SPON1: variants seen among roughly 807,000 people sequenced by gnomAD.
The protein encoded by SPON1 is spondin 1, also known as spondin-1.
A neutral mutation model predicts 111.7 loss-of-function variants in SPON1; 52 were observed. That is an observed-to-expected ratio of 0.47 (90% confidence interval 0.37 to 0.59). SPON1 has a LOEUF of 0.59. Ranked by LOEUF, SPON1 falls within the 20% of genes least tolerant of loss-of-function variation. The pLI is 0.00. For missense variants in SPON1, 957 were observed against 1,068.5 expected (o/e 0.90, Z 1.46); for synonymous variants, 410 against 395.8 (o/e 1.04, Z -0.43).
rs145340008 is a variant in SPON1, at chr11:14,103,417, C to A, written c.676+23396C>A. 7.9e-4 allele frequency among the ~76,000 whole-genome samples: 121 copies of A among 152,274 alleles called. 1 individual carries two copies. The highest frequency in any genetic ancestry group is 2.7e-3 in the African/African-American group (114 of 41,544). Reference sequence around the variant, plus strand: ...GAATAGGAATAGAGCTGGCCTAGTCCTGCAGACATCTGGGTTGCAGGACAG... The same window carrying A: ...GAATAGGAATAGAGCTGGCCTAGTCATGCAGACATCTGGGTTGCAGGACAG... On this transcript the variant is annotated intron_variant, in intron 5 of 15. Transcript: ENST00000576479.
At chr11:14,154,781 G>A (rs1554930213) in intron 6 of SPON1, among the ~76,000 whole-genome samples, 2 of 152,142 alleles carry the variant, frequency 1.3e-5, no homozygotes, top group East Asian at 3.9e-4. Context: ...TCCCTTTTAA[G>A]TATAAGTTTT....
In SPON1 at chr11:14,131,040, G is replaced by A. The variant is rs138524787; in HGVS notation, c.677-4380G>A. 2.8e-4 allele frequency among the ~76,000 whole-genome samples: 42 copies of A among 152,184 alleles called. No homozygotes were observed. The East Asian group carries it at 6.9e-3, about 25-fold the overall frequency. On this transcript the variant is annotated intron_variant, in intron 5 of 15. Coordinates refer to ENST00000576479, the MANE Select transcript of SPON1 (RefSeq NM_006108.4). ...GTTAACTATTGTTATGTCATTCTTC[G>A]CAGGAGGAACTTTTGATCATGTTTC...
intron 6 of SPON1, among the ~76,000 whole-genome samples, chr11:14,167,615 T>C (rs189659079): frequency 6.6e-6 from 1 of 152,296 alleles, no homozygotes; most frequent in Admixed American, 6.5e-5. Context: ...AAGCTAGTTA[T>C]TTAAATAAAA....
chr11:14,175,931 C>T (rs73426109), intron 6 of SPON1, among the ~76,000 whole-genome samples: 6,785 of 152,220 alleles, frequency 0.045, 473 homozygotes, highest in African/African-American at 0.15. Flanking sequence ...CAGCAAAACA[C>T]ACATAACAAA....
chr11:14,085,124 G>T (rs1554922449), intron 5 of SPON1, among the ~76,000 whole-genome samples: 1 of 152,062 alleles, frequency 6.6e-6, no homozygotes, highest in African/African-American at 2.4e-5. Flanking sequence ...AGTTTCTTTT[G>T]CTGTGATGAA....
intron 5 of SPON1, among the ~76,000 whole-genome samples, chr11:14,113,773 T>C (rs1849245981): frequency 6.6e-6 from 1 of 151,632 alleles, no homozygotes; most frequent in Admixed American, 6.6e-5. Flanking sequence ...CGGCTAATTT[T>C]TTTGTGTTTT....
chr11:14,009,658 C>G (rs1554913517), intron 2 of SPON1, among the ~76,000 whole-genome samples: 2 of 152,172 alleles, frequency 1.3e-5, no homozygotes, highest in African/African-American at 4.8e-5. Flanking sequence ...ATATCTTAGA[C>G]TCAGTGATTT....
At chr11:14,080,943 G>A (rs1264749412) in intron 5 of SPON1, among the ~76,000 whole-genome samples, 1 of 152,128 alleles carries the variant, frequency 6.6e-6, no homozygotes, top group Non-Finnish European at 1.5e-5. Context: ...GCACATGCCT[G>A]TAGTCCTGTA....
intron 1 of SPON1, among the ~76,000 whole-genome samples, chr11:13,978,298 T>A (rs1332037174): frequency 1.3e-5 from 2 of 152,134 alleles, no homozygotes; most frequent in East Asian, 3.9e-4. Flanking sequence ...CATACTGGGA[T>A]TTTAATTTAG....
At chr11:14,160,270 TTACAAC>T (rs1276357868) in intron 6 of SPON1, among the ~76,000 whole-genome samples, 1 of 138,296 alleles carries the variant, frequency 7.2e-6, no homozygotes, top group Non-Finnish European at 1.5e-5. Flanking sequence ...GTTTTATCAG[TTACAAC>T]TGAAAAAAGT....
At chr11:14,161,038 T>G (rs1591394440) in intron 6 of SPON1, among the ~76,000 whole-genome samples, 1 of 84,688 alleles carries the variant, frequency 1.2e-5, no homozygotes, top group South Asian at 3.9e-4. Context: ...TTTATATATA[T>G]CTATATATTT....
rs782050234 is a variant in SPON1, at chr11:14,259,712, G to A, written c.1831+11G>A. 1.3e-6 allele frequency: 2 copies of A among 1,566,892 alleles called. No homozygotes were observed. Among genetic ancestry groups the A allele is most frequent in the Non-Finnish European group, 1.7e-6 (2 of 1,155,958 alleles). On this transcript the variant is annotated intron_variant, in intron 13 of 15. Transcript: ENST00000576479. This position sits in a 1 kb window ranked among gnomAD's most constrained non-coding sequence, Gnocchi z 5.0. ...TGATGCCAGAGTGCCGTGAGTGAGA[G>A]CGGGGGTGGACTTGGAGGAGGCCAC...
At chr11:14,253,774 G>T (rs1264415325) in intron 7 of SPON1, among the ~76,000 whole-genome samples, 2 of 152,214 alleles carry the variant, frequency 1.3e-5, no homozygotes, top group African/African-American at 4.8e-5. Flanking sequence ...CACTTTCATG[G>T]CCTCTCTATG....
chr11:14,048,622 C>G (rs1488288488), intron 3 of SPON1, among the ~76,000 whole-genome samples: 5 of 152,140 alleles, frequency 3.3e-5, no homozygotes, highest in African/African-American at 7.2e-5. Flanking sequence ...AGACTTCTCC[C>G]TACAAATGAG....
At chr11:14,066,923 C>T (rs1848837044) in intron 3 of SPON1, among the ~76,000 whole-genome samples, 1 of 152,186 alleles carries the variant, frequency 6.6e-6, no homozygotes, top group Non-Finnish European at 1.5e-5. Context: ...CACCTGTAAT[C>T]CCAGCACTTT....
intron 2 of SPON1, among the ~76,000 whole-genome samples, chr11:13,987,239 T>G (rs903119695): frequency 6.6e-6 from 1 of 152,200 alleles, no homozygotes; most frequent in Non-Finnish European, 1.5e-5. Context: ...TTTCCTGACT[T>G]TTTAATGATC....
intron 6 of SPON1, among the ~76,000 whole-genome samples, chr11:14,198,910 G>C (rs782497430): frequency 6.6e-6 from 1 of 152,114 alleles, no homozygotes; most frequent in East Asian, 1.9e-4. Context: ...AAACTGACTC[G>C]AGTAAGGCAA....
At chr11:14,116,410 G>C (rs1259634388) in intron 5 of SPON1, among the ~76,000 whole-genome samples, 1 of 152,046 alleles carries the variant, frequency 6.6e-6, no homozygotes, top group Non-Finnish European at 1.5e-5. Flanking sequence ...AATTGAATTT[G>C]TGTATGGTGT....
chr11:14,248,534 T>G (rs1849018309), intron 7 of SPON1, among the ~76,000 whole-genome samples: 1 of 152,094 alleles, frequency 6.6e-6, no homozygotes, highest in African/African-American at 2.4e-5. Flanking sequence ...ACCTCTGCAC[T>G]CGGCGCTACT....
Sources: gnomAD v4.1 joint callset for allele counts (sites outside exome capture counted in the v4.1 genomes callset) on GRCh38, gnomAD v4.1.1 for gene constraint, Gnocchi (gnomAD v3.1) non-coding constraint, MANE v1.5 for transcripts, NCBI Gene and HGNC (gene_info 2026-07-23, HGNC 2026-07-21) for gene names.